HPSE2: variants seen among roughly 807,000 people sequenced by gnomAD.
The protein encoded by HPSE2 is heparanase 2 (inactive).
In HPSE2, 38 loss-of-function variants were observed where a neutral mutation model predicts 60.5. The observed-to-expected ratio is 0.63, with a 90% CI of 0.48 to 0.82. The LOEUF (loss-of-function observed/expected upper bound fraction) is 0.82, where lower values mean the gene tolerates loss of function less well. Among genes scored for constraint, HPSE2 ranks in the 40% least tolerant of loss-of-function variants. HPSE2 has a pLI of 0.00. For synonymous variants in HPSE2, 295 were observed against 293.2 expected, an observed-to-expected ratio of 1.01 and a Z score of -0.06; for missense variants, 713 against 740.4, an observed-to-expected ratio of 0.96 and a Z score of 0.43.
intron 3 of HPSE2, among the ~76,000 whole-genome samples, chr10:99,055,468 G>A (rs1178072893): frequency 7.2e-5 from 11 of 152,066 alleles, no homozygotes; most frequent in African/African-American, 2.2e-4. Flanking sequence ...AAAGCCTCAC[G>A]GATATTTGGA....
chr10:99,197,066 T>G lies in HPSE2; in HGVS notation c.448+35282A>C, dbSNP rs150821471. Among the ~76,000 whole-genome samples the G allele has an allele frequency of 2.3e-3, 344 of 152,316 alleles. 1 individual carries two copies. Among genetic ancestry groups the G allele is most frequent in the African/African-American group, 7.7e-3 (322 of 41,574 alleles). The stretch of plus-strand genomic sequence containing the variant: ...TAAAAAGGAATGAGATTCAGTCCTT[T>G]GCAACACCATGGATGGAAATAGAAA... On this transcript the variant is annotated intron_variant, in intron 2 of 11. Coordinates refer to ENST00000370552, the MANE Select transcript of HPSE2 (RefSeq NM_021828.5).
At chr10:99,154,835 A>G (rs1846462761) in intron 2 of HPSE2, among the ~76,000 whole-genome samples, 1 of 152,106 alleles carries the variant, frequency 6.6e-6, no homozygotes, top group Non-Finnish European at 1.5e-5. Context: ...AAGACCCATC[A>G]GTGTGCTGTA....
chr10:98,515,856 A>G (rs1382077224), intron 9 of HPSE2, among the ~76,000 whole-genome samples: 1 of 152,202 alleles, frequency 6.6e-6, no homozygotes, highest in African/African-American at 2.4e-5. Flanking sequence ...TGCCTTTTCT[A>G]CAGCACTACA....
intron 3 of HPSE2, among the ~76,000 whole-genome samples, chr10:98,866,110 T>G (rs1219875242): frequency 6.6e-6 from 1 of 152,066 alleles, no homozygotes; most frequent in Non-Finnish European, 1.5e-5. Flanking sequence ...CTGACAGATA[T>G]GTTAGAATTA....
chr10:98,922,543 T>C lies in HPSE2; in HGVS notation c.611-178487A>G, dbSNP rs532303988. Among the ~76,000 whole-genome samples the C allele has an allele frequency of 2.0e-4, 31 of 152,282 alleles. No individual in the cohort carries two copies. The South Asian group carries it at 6.4e-3, about 32-fold the overall frequency. ...CAGAAACAACCATATGAGATTTGAA[T>C]TGTAAACAGAAAAAAATGAAGAACA... On this transcript the variant is annotated intron_variant, in intron 3 of 11. Coordinates refer to ENST00000370552, the MANE Select transcript of HPSE2 (RefSeq NM_021828.5).
intron 2 of HPSE2, among the ~76,000 whole-genome samples, chr10:99,156,931 G>A (rs1322693389): frequency 3.8e-5 from 5 of 130,702 alleles, no homozygotes; most frequent in African/African-American, 7.7e-5. Flanking sequence ...ATGTACAAAA[G>A]TCACAAGCAT....
At chr10:98,475,865 A>G (rs1028748448) in intron 11 of HPSE2, among the ~76,000 whole-genome samples, 4 of 152,110 alleles carry the variant, frequency 2.6e-5, no homozygotes, top group Admixed American at 6.5e-5. Context: ...GCACTTTTAC[A>G]CTGTTGGTGG....
At chr10:98,577,614 C>T (rs1436304599) in intron 9 of HPSE2, among the ~76,000 whole-genome samples, 1 of 152,208 alleles carries the variant, frequency 6.6e-6, no homozygotes, top group East Asian at 1.9e-4. Flanking sequence ...ATTTTTCTCT[C>T]TCTTACCACA....
chr10:99,272,847 C>T, the HPSE2 span, among the ~76,000 whole-genome samples: 1 of 152,192 alleles, frequency 6.6e-6, no homozygotes, highest in Admixed American at 6.5e-5. Flanking sequence ...AGTACAACCA[C>T]TATGGAAAAC....
chr10:99,028,395 A>G (rs961885733), intron 3 of HPSE2, among the ~76,000 whole-genome samples: 3 of 152,206 alleles, frequency 2.0e-5, no homozygotes, highest in African/African-American at 7.2e-5. Context: ...CCCATTTACA[A>G]TAGCCACAAA....
chr10:99,248,090 C>A, the HPSE2 span, among the ~76,000 whole-genome samples: 1 of 152,096 alleles, frequency 6.6e-6, no homozygotes, highest in East Asian at 1.9e-4. Flanking sequence ...GTACCAGGAG[C>A]AGGGTACTGC....
Position 98,967,689 on chromosome 10 carries a change from AT to A in HPSE2, c.610+176548del, listed in dbSNP as rs545490394. ...CTCTAAGCTTAGTTTGGAAAAAAAA[AT>A]AATTTAAATAATGAACTGGTAAAGC... On this transcript the variant is annotated intron_variant, in intron 3 of 11. Coordinates refer to ENST00000370552, the MANE Select transcript of HPSE2 (RefSeq NM_021828.5). Among the ~76,000 whole-genome samples the A allele has an allele frequency of 5.3e-5, 8 of 152,310 alleles. No individual in the cohort carries two copies. In the South Asian group the frequency reaches 1.4e-3, roughly 28 times the overall value.
At chr10:99,067,322 C>T (rs1423925307) in intron 3 of HPSE2, among the ~76,000 whole-genome samples, 1 of 152,314 alleles carries the variant, frequency 6.6e-6, no homozygotes, top group African/African-American at 2.4e-5. Context: ...CTCACAGCTG[C>T]CCTATGCAGT....
chr10:99,289,674 T>C, the HPSE2 span, among the ~76,000 whole-genome samples: 1 of 152,186 alleles, frequency 6.6e-6, no homozygotes, highest in African/African-American at 2.4e-5. Context: ...CTTCAACTTA[T>C]GGTGCCCTAC....
chr10:99,165,014 C>T (rs939140952), intron 2 of HPSE2, among the ~76,000 whole-genome samples: 19 of 135,760 alleles, frequency 1.4e-4, no homozygotes, highest in East Asian at 1.1e-3. Context: ...ACCCAGGAGG[C>T]GAAGGTTGCA....
intron 6 of HPSE2, among the ~76,000 whole-genome samples, chr10:98,669,811 G>C (rs1947459488): frequency 6.6e-6 from 1 of 152,122 alleles, no homozygotes; most frequent in Admixed American, 6.6e-5. Flanking sequence ...AGGACCATTT[G>C]TACCCCAAAC....
At chr10:98,849,221 C>A (rs1360766071) in intron 3 of HPSE2, among the ~76,000 whole-genome samples, 4 of 152,238 alleles carry the variant, frequency 2.6e-5, no homozygotes, top group Middle Eastern at 3.4e-3. Context: ...TGATACCTTC[C>A]TTCCCTCCCA....
chr10:98,766,583 A>T (rs948164213), intron 3 of HPSE2, among the ~76,000 whole-genome samples: 1 of 152,134 alleles, frequency 6.6e-6, no homozygotes, highest in East Asian at 1.9e-4. Context: ...AAATAACACA[A>T]CCAAGTGGAG....
At chr10:99,216,188 CTTTTTTTT>C (rs550046406) in intron 2 of HPSE2, among the ~76,000 whole-genome samples, 1 of 97,674 alleles carries the variant, frequency 1.0e-5, no homozygotes, top group African/African-American at 4.2e-5. Flanking sequence ...ATAACCTAAA[CTTTTTTTT>C]TTTTTTTTTT....
Sources: gnomAD v4.1 joint callset for allele counts (sites outside exome capture counted in the v4.1 genomes callset) on GRCh38, gnomAD v4.1.1 for gene constraint, MANE v1.5 for transcripts, NCBI Gene and HGNC (gene_info 2026-07-23, HGNC 2026-07-21) for gene names.